The following PDHX variants were observed in gnomAD, a reference collection of about 807,000 sequenced individuals.
PDHX encodes pyruvate dehydrogenase complex component X.
PDHX carries 33 observed loss-of-function variants against 55.3 expected under a neutral mutation model. The observed-to-expected ratio is 0.60, with a 90% CI of 0.45 to 0.80. The LOEUF is 0.80. PDHX is among the 30% of genes least tolerant of loss of function. The probability of loss-of-function intolerance (pLI) is 0.00; values close to 1 mark genes in which losing one functional copy is unlikely to be tolerated. For synonymous variants in PDHX, 226 were observed against 219.4 expected (o/e 1.03, Z -0.27); for missense variants, 622 against 619.9 (o/e 1.00, Z -0.04).
At chr11:34,949,385 A>G (rs530942296) in intron 3 of PDHX, among the ~76,000 whole-genome samples, 1 of 128,272 alleles carries the variant, frequency 7.8e-6, no homozygotes, top group South Asian at 2.4e-4. Flanking sequence ...GATTACAGGC[A>G]TGTGCCACCA....
chr11:34,968,848 A>G (rs963449789), intron 6 of PDHX, among the ~76,000 whole-genome samples: 2 of 152,152 alleles, frequency 1.3e-5, no homozygotes, highest in Non-Finnish European at 2.9e-5. Flanking sequence ...CTTCATTTTA[A>G]AACAATCTTC....
intron 2 of PDHX, among the ~76,000 whole-genome samples, chr11:34,945,949 T>C (rs182678717): frequency 9.5e-4 from 144 of 152,332 alleles, no homozygotes; most frequent in African/African-American, 3.3e-3. Context: ...TTCTGGGAAA[T>C]TCTCAGCCAC....
intron 8 of PDHX, among the ~76,000 whole-genome samples, chr11:34,982,029 G>T (rs142896048): frequency 0.047 from 7,216 of 152,138 alleles, 543 homozygotes; most frequent in African/African-American, 0.16. Flanking sequence ...GTCAATTTTG[G>T]CTTTTGTTGC....
chr11:34,922,863 G>T (rs1255776642), intron 1 of PDHX, among the ~76,000 whole-genome samples: 2 of 91,198 alleles, frequency 2.2e-5, no homozygotes, highest in Non-Finnish European at 4.3e-5. Context: ...CCAAAGTATC[G>T]TTGTGTGTGT....
At chr11:34,994,678 T>C (rs1436734553) in intron 10 of PDHX, among the ~76,000 whole-genome samples, 2 of 152,358 alleles carry the variant, frequency 1.3e-5, no homozygotes, top group East Asian at 3.9e-4. Flanking sequence ...ATTGACCTTT[T>C]ATCTGATGAC....
Position 34,965,175 on chromosome 11 carries a change from G to A in PDHX, c.642-1465G>A, listed in dbSNP as rs1159921644. ...GGCTGAAATCAAAGTGTTGGCCAAG[G>A]CTGGGGACTCATGTGAAGCTTGGGG... On this transcript the variant is annotated intron_variant, in intron 5 of 10. Coordinates refer to ENST00000227868, the MANE Select transcript of PDHX (RefSeq NM_003477.3). Among the ~76,000 whole-genome samples the A allele has an allele frequency of 2.6e-5, 4 of 152,178 alleles. No individual in the cohort carries two copies. The East Asian group carries it at 7.7e-4, about 29-fold the overall frequency.
chr11:34,977,844 G>A (rs1385631723), intron 7 of PDHX: 32 of 504,820 alleles, frequency 6.3e-5, no homozygotes, highest in East Asian at 3.8e-4. Flanking sequence ...GCTTGTAATG[G>A]GTCCTTCAGG....
intron 1 of PDHX, among the ~76,000 whole-genome samples, chr11:34,930,436 A>G (rs1197439401): frequency 1.3e-5 from 2 of 152,218 alleles, no homozygotes; most frequent in Admixed American, 6.5e-5. Context: ...TTTTAACCCT[A>G]AAACATCAGG....
At chr11:34,916,575 C>A, upstream of PDHX, 1 of 1,569,616 alleles carries the variant, frequency 6.4e-7, no homozygotes. Context: ...CGTCTGGGGG[C>A]GTGGCCAACC....
chr11:34,925,251 C>T (rs1349193812), intron 1 of PDHX, among the ~76,000 whole-genome samples: 1 of 152,104 alleles, frequency 6.6e-6, no homozygotes, highest in African/African-American at 2.4e-5. Context: ...TCTTTTTGCC[C>T]TCTGCAGAGA....
intron 4 of PDHX, among the ~76,000 whole-genome samples, chr11:34,958,483 G>A (rs1311116522): frequency 6.6e-6 from 1 of 151,936 alleles, no homozygotes; most frequent in Non-Finnish European, 1.5e-5. Flanking sequence ...TTGTATTTTT[G>A]GTAGAGATGG....
intron 8 of PDHX, among the ~76,000 whole-genome samples, chr11:34,983,971 A>G (rs535400368): frequency 7.9e-5 from 12 of 152,354 alleles, no homozygotes; most frequent in African/African-American, 2.6e-4. Flanking sequence ...TGCCAAGTCA[A>G]TCCTAAGCCA....
intron 4 of PDHX, among the ~76,000 whole-genome samples, chr11:34,959,479 C>G (rs1260598777): frequency 6.6e-6 from 1 of 151,850 alleles, no homozygotes; most frequent in Non-Finnish European, 1.5e-5. Context: ...AATTTGGAAC[C>G]CTTGTTGTTG....
chr11:34,916,302 C>T (rs761199870), upstream of PDHX: 462 of 1,610,900 alleles, frequency 2.9e-4, no homozygotes, highest in Non-Finnish European at 3.7e-4. Flanking sequence ...ACCAGGGACC[C>T]GCGCGGCCTC....
intron 8 of PDHX, among the ~76,000 whole-genome samples, chr11:34,980,331 T>A (rs1855480335): frequency 6.9e-6 from 1 of 144,890 alleles, no homozygotes; most frequent in African/African-American, 2.6e-5. Flanking sequence ...TAATTTTTTT[T>A]AATAAGGTTT....
At chr11:34,923,932 A>G (rs1046027244) in intron 1 of PDHX, among the ~76,000 whole-genome samples, 8 of 152,336 alleles carry the variant, frequency 5.3e-5, no homozygotes, top group Admixed American at 5.2e-4. Context: ...AGAGATCAAG[A>G]ATTAGTGTAC....
At chr11:34,916,936 CCT>C in intron 1 of PDHX, 121 bp downstream of exon 1, 2 of 993,076 alleles carry the variant, frequency 2.0e-6, no homozygotes, top group East Asian at 2.6e-5. Context: ...TATTCCCTTT[CCT>C]CTTTCTCCGG....
chr11:34,994,855 C>T lies in PDHX; in HGVS notation c.1248-59C>T, dbSNP rs1267089257. On this transcript the variant is annotated intron_variant, in intron 10 of 10. Transcript: ENST00000227868. ...TAAAATATATAAAATATGTGCTTCA[C>T]GGAAAGGGGACTTTGATTAAGGACA... 18 of 1,594,306 alleles carry T rather than the reference C, an allele frequency of 1.1e-5. 1 individual carries two copies. The South Asian group carries it at 1.3e-4, about 12-fold the overall frequency.
At chr11:34,980,345 A>G (rs1483725914) in intron 8 of PDHX, among the ~76,000 whole-genome samples, 1 of 34,554 alleles carries the variant, frequency 2.9e-5, no homozygotes, top group African/African-American at 1.0e-4. Context: ...AAGGTTTAAG[A>G]TAGTTTCTTT....
Sources: allele counts gnomAD v4.1 joint callset (sites outside exome capture counted in the v4.1 genomes callset), GRCh38; gene constraint gnomAD v4.1.1; transcripts MANE v1.5; gene names NCBI Gene and HGNC (gene_info 2026-07-23, HGNC 2026-07-21).